Variants in KANSL1L observed in about 807,000 individuals in gnomAD.
KANSL1L encodes the protein KAT8 regulatory NSL complex subunit 1-like protein.
A neutral mutation model predicts 108.6 loss-of-function variants in KANSL1L; 25 were observed. That is an observed-to-expected ratio of 0.23 (90% CI 0.17 to 0.32). The LOEUF is 0.32. Ranked by LOEUF, KANSL1L falls within the 10% of genes least tolerant of loss-of-function variation. KANSL1L has a pLI of 1.00. For synonymous variants in KANSL1L, 405 were observed against 395.1 expected (o/e 1.03, Z -0.30); for missense variants, 1,137 against 1,125.7 (o/e 1.01, Z -0.14).
chr2:210,076,912 C>T (rs748270252), intron 5 of KANSL1L, among the ~76,000 whole-genome samples: 17 of 151,926 alleles, frequency 1.1e-4, no homozygotes, highest in Non-Finnish European at 2.1e-4. Flanking sequence ...TTATGTGATA[C>T]TGCTGTTCAA....
chr2:210,029,146 T>A (rs2093979719), intron 10 of KANSL1L, 177 bp from the exon 11 acceptor site: 1 of 539,254 alleles, frequency 1.9e-6, no homozygotes, highest in Non-Finnish European at 3.2e-6. Context: ...TTTTCTATCT[T>A]TTGTAAATCA....
intron 5 of KANSL1L, among the ~76,000 whole-genome samples, chr2:210,077,525 G>C (rs2094551217): frequency 6.6e-6 from 1 of 152,100 alleles, no homozygotes; most frequent in African/African-American, 2.4e-5. Context: ...AGGTCAAGAA[G>C]AAGACAGGTT....
At chr2:210,167,538 T>C (rs968717970) in intron 1 of KANSL1L, among the ~76,000 whole-genome samples, 8 of 152,146 alleles carry the variant, frequency 5.3e-5, no homozygotes, top group African/African-American at 1.9e-4. Context: ...AAGTACACTA[T>C]CACATTTGCT....
Position 210,066,390 on chromosome 2 carries a change from T to C in KANSL1L, c.1755+9162A>G, listed in dbSNP as rs1214749119. Among the ~76,000 whole-genome samples, 4 of 152,240 alleles carry C rather than the reference T, an allele frequency of 2.6e-5. No individual in the cohort carries two copies. The East Asian group carries it at 5.8e-4, about 22-fold the overall frequency. ...GGTTTTAAATCACTACGTTTGGGGA[T>C]AGTCTGTCATGCAACAATAGATGGC... On this transcript the variant is annotated intron_variant, in intron 6 of 14. Coordinates refer to ENST00000281772, the MANE Select transcript of KANSL1L (RefSeq NM_152519.4).
intron 3 of KANSL1L, among the ~76,000 whole-genome samples, chr2:210,127,615 AGAG>A (rs2095078114): frequency 6.6e-6 from 1 of 151,870 alleles, no homozygotes; most frequent in East Asian, 1.9e-4. Flanking sequence ...CCTGGGCAAT[AGAG>A]GGAGATCCCA....
At position 210,029,245 on chromosome 2, in the gene KANSL1L, G is replaced by A. The variant is rs181492787; in HGVS notation, c.2272-276C>T. 7.4e-5 allele frequency: 22 copies of A among 298,476 alleles called. No homozygotes were observed. In the East Asian group the frequency reaches 1.7e-3, roughly 23 times the overall value. The allele number at this position is 298,476 out of a possible 1,614,324, so 18.5% of individuals were successfully genotyped here. On this transcript the variant is annotated intron_variant, in intron 10 of 14. Transcript: ENST00000281772. The stretch of plus-strand genomic sequence containing the variant: ...AGACCACAAAAAATAGGTCTTAAAT[G>A]CAAAACTCTTTATCAGAAAAGACCA...
At chr2:210,141,744 C>A (rs1001217463) in intron 2 of KANSL1L, among the ~76,000 whole-genome samples, 1 of 152,126 alleles carries the variant, frequency 6.6e-6, no homozygotes, top group Admixed American at 6.6e-5. Context: ...GAGGTACATT[C>A]CTTCGATACC....
intron 6 of KANSL1L, among the ~76,000 whole-genome samples, chr2:210,067,228 T>C (rs963599225): frequency 6.6e-6 from 1 of 152,170 alleles, no homozygotes; most frequent in Admixed American, 6.5e-5. Context: ...GCAGACAGCA[T>C]ATTATGAAAC....
At chr2:210,070,968 G>A (rs1249186704) in intron 6 of KANSL1L, among the ~76,000 whole-genome samples, 1 of 151,860 alleles carries the variant, frequency 6.6e-6, no homozygotes, top group East Asian at 2.0e-4. Flanking sequence ...GACCAGCCTG[G>A]CCAACATGGT....
Position 210,154,489 on chromosome 2 carries a change from T to A in KANSL1L, c.94A>T (p.Ser32Cys). The A allele has an allele frequency of 6.2e-7, 1 of 1,611,058 alleles. No homozygotes were observed. Among genetic ancestry groups the A allele is most frequent in the South Asian group, 1.1e-5 (1 of 90,252 alleles). The change falls in exon 2 of 15, where the codon AGT becomes TGT. Residue 32 changes from serine to cysteine, a missense_variant. Ser to Cys is a moderately radical substitution (Grantham distance 112). Around this residue, in one of 3 missense-constraint regions of KANSL1L, gnomAD observed 556 missense variants for 537.7 expected, o/e 1.03. Transcript: ENST00000281772. ...MESDKMLYME[S>C]PRTVDEKLKG... ...AGCTTTTCATCTACAGTTCTGGGAC[T>A]TTCCATGTAGAGCATCTTGTCAGAC... is the stretch of plus-strand genomic sequence containing the variant.
At chr2:210,078,280 T>G (rs2094556406) in intron 5 of KANSL1L, among the ~76,000 whole-genome samples, 1 of 152,224 alleles carries the variant, frequency 6.6e-6, no homozygotes, top group African/African-American at 2.4e-5. Context: ...ACCACTGTTG[T>G]ATATGTGGTC....
At chr2:210,068,751 T>A (rs1356312260) in intron 6 of KANSL1L, among the ~76,000 whole-genome samples, 1 of 152,220 alleles carries the variant, frequency 6.6e-6, no homozygotes, top group Non-Finnish European at 1.5e-5. Flanking sequence ...GCTTCAGGTA[T>A]AAAATTCTCA....
chr2:210,140,210 C>T (rs973257723), intron 2 of KANSL1L, among the ~76,000 whole-genome samples: 2 of 152,042 alleles, frequency 1.3e-5, no homozygotes, highest in African/African-American at 4.8e-5. Context: ...TCTATTTTTG[C>T]TTTTGTTACC....
chr2:210,073,376 CTTAAA>C (rs1264316959), intron 6 of KANSL1L, among the ~76,000 whole-genome samples: 1 of 152,016 alleles, frequency 6.6e-6, no homozygotes, highest in African/African-American at 2.4e-5. Flanking sequence ...TGTGTGGCTA[CTTAAA>C]TTAAAATAAA....
chr2:210,039,238 T>C (rs1442261110), intron 8 of KANSL1L, among the ~76,000 whole-genome samples: 2 of 151,960 alleles, frequency 1.3e-5, no homozygotes, highest in Non-Finnish European at 2.9e-5. Flanking sequence ...TTGGGGAAAA[T>C]TGACAACTTT....
chr2:210,100,378 C>T (rs1434399094), intron 4 of KANSL1L, among the ~76,000 whole-genome samples: 1 of 152,182 alleles, frequency 6.6e-6, no homozygotes, highest in Admixed American at 6.5e-5. Context: ...GGTATTAATA[C>T]TTTTCAATTT....
At chr2:210,118,903 C>T (rs1475798448) in intron 3 of KANSL1L, among the ~76,000 whole-genome samples, 1 of 151,804 alleles carries the variant, frequency 6.6e-6, no homozygotes, top group African/African-American at 2.4e-5. Flanking sequence ...GGTGTGGTGG[C>T]TCATGCCTGT....
intron 4 of KANSL1L, among the ~76,000 whole-genome samples, chr2:210,101,505 T>C (rs1177500884): frequency 1.3e-5 from 2 of 152,284 alleles, no homozygotes; most frequent in East Asian, 1.9e-4. Flanking sequence ...ATGGTAAAAG[T>C]AGATTTGACT....
Position 210,079,499 on chromosome 2 carries a change from G to A in KANSL1L, c.1551-3743C>T, listed in dbSNP as rs537564614. Among the ~76,000 whole-genome samples the A allele has an allele frequency of 2.3e-4, 35 of 149,896 alleles. No homozygotes were observed. The South Asian group carries it at 7.4e-3, about 32-fold the overall frequency. Reference sequence around the variant, plus strand: ...TAATCCTAGCTACTCTGGAGGCTGAGGCAGGAGAATCGCTTGAACCTGGGA... The same window carrying A: ...TAATCCTAGCTACTCTGGAGGCTGAAGCAGGAGAATCGCTTGAACCTGGGA... On this transcript the variant is annotated intron_variant, in intron 5 of 14. Transcript: ENST00000281772.
Sources: allele counts gnomAD v4.1 joint callset (sites outside exome capture counted in the v4.1 genomes callset), GRCh38; gene constraint gnomAD v4.1.1; regional missense constraint gnomAD v4.1.1; transcripts MANE v1.5; gene names NCBI Gene and HGNC (gene_info 2026-07-23, HGNC 2026-07-21).